The following IFI16 variants were observed in gnomAD, a reference collection of about 807,000 sequenced individuals.
IFI16 encodes interferon gamma inducible protein 16.
IFI16 carries 49 observed loss-of-function variants against 68.4 expected under a neutral mutation model. The ratio of observed to expected loss-of-function variants is 0.72; its 90% CI spans 0.57 to 0.91. IFI16 has a LOEUF of 0.91. IFI16 is among the 40% of genes least tolerant of loss of function. The probability of loss-of-function intolerance (pLI) is 0.00; values close to 1 mark genes in which losing one functional copy is unlikely to be tolerated. For missense variants in IFI16, 878 were observed against 942.9 expected (o/e 0.93, Z 0.90); for synonymous variants, 307 against 315.0 (o/e 0.97, Z 0.27).
chr1:159,051,209 G>T, intron 9 of IFI16, among the ~76,000 whole-genome samples: 1 of 151,938 alleles, frequency 6.6e-6, no homozygotes, highest in Middle Eastern at 3.2e-3. Context: ...GGCAAGAAGG[G>T]ATCAAGGGAG....
rs142942227 is a variant in IFI16, at chr1:159,014,264, C to T, written c.-20-397C>T. On this transcript the variant is annotated intron_variant, in intron 1 of 11. Transcript: ENST00000295809. ...GGCTGCAGCCCATTTACACCTAGGC[C>T]GCTCCAGTCATACTGGGTGTGGGAA... 4.9e-3 allele frequency among the ~76,000 whole-genome samples: 747 copies of T among 152,228 alleles called. 6 individuals are homozygous for T. Among genetic ancestry groups the T allele is most frequent in the African/African-American group, 0.017 (726 of 41,524 alleles).
chr1:159,045,892 A>T (rs1654952563), intron 8 of IFI16, among the ~76,000 whole-genome samples: 1 of 151,282 alleles, frequency 6.6e-6, no homozygotes, highest in Non-Finnish European at 1.5e-5. Flanking sequence ...TTAATTTTTA[A>T]CTATCAGAAA....
chr1:159,029,679 G>GTT lies in IFI16; in HGVS notation c.1162-2828_1162-2827dup, dbSNP rs61339753. Among the ~76,000 whole-genome samples the GTT allele has an allele frequency of 3.1e-3, 403 of 131,144 alleles. 2 individuals carry two copies. The highest frequency in any genetic ancestry group is 0.011 in the African/African-American group (385 of 36,408). The allele number at this position is 131,144 out of a possible 152,430, so 86.0% of individuals were successfully genotyped here. On this transcript the variant is annotated intron_variant, in intron 6 of 11. Coordinates refer to ENST00000295809, the MANE Select transcript of IFI16 (RefSeq NM_001376587.1). ...CCAAACTTCTTGGAGGCTTTGTTCA[G>GTT]TTTTTTTTTTTTTTTTTTGAGACAC...
rs1557864101 is a variant in IFI16, at chr1:159,016,652, A to G, written c.501A>G (p.Pro167=). 2 of 1,613,990 alleles carry G rather than the reference A, an allele frequency of 1.2e-6. No individual in the cohort carries two copies. Among genetic ancestry groups the G allele is most frequent in the Non-Finnish European group, 1.7e-6 (2 of 1,180,022 alleles). ...TGTCCACAGCCATGGGCCGTTCCCC[A>G]TCTCCCAAGACCTCATTGTCAGCTC... ...AGMSTAMGRS[P]SPKTSLSAPP... is the part of the protein sequence containing the mutation. Residue 167 remains proline, a synonymous_variant, in exon 4 of 12, where the codon CCA becomes CCG. Coordinates refer to ENST00000295809, the MANE Select transcript of IFI16 (RefSeq NM_001376587.1).
intron 6 of IFI16, among the ~76,000 whole-genome samples, chr1:159,027,004 G>C (rs931027962): frequency 2.2e-4 from 34 of 152,104 alleles, no homozygotes; most frequent in African/African-American, 8.0e-4. Context: ...CCTCTTTGCC[G>C]ATTTGGATTT....
At chr1:159,004,779 T>C (rs72704962), upstream of IFI16, among the ~76,000 whole-genome samples, 19,420 of 152,212 alleles carry the variant, frequency 0.13, 1,376 homozygotes, top group African/African-American at 0.16. Flanking sequence ...ATTTTAGAGA[T>C]AAATTATATC....
chr1:159,014,403 A>G (rs1652790075), intron 1 of IFI16, among the ~76,000 whole-genome samples: 1 of 149,208 alleles, frequency 6.7e-6, no homozygotes, highest in Admixed American at 6.7e-5. Flanking sequence ...CACTGAGGCA[A>G]TTGCTTGTTC....
At chr1:159,049,770 TTC>T (rs763345005) in intron 9 of IFI16, among the ~76,000 whole-genome samples, 171 bp downstream of exon 9, 1 of 152,236 alleles carries the variant, frequency 6.6e-6, no homozygotes, top group Non-Finnish European at 1.5e-5. Flanking sequence ...AAAATTAAAA[TTC>T]TGTTTTTATC....
At chr1:159,030,011 C>G (rs1018931298) in intron 6 of IFI16, among the ~76,000 whole-genome samples, 6 of 151,922 alleles carry the variant, frequency 3.9e-5, no homozygotes, top group African/African-American at 1.5e-4. Context: ...CATTTTTCTT[C>G]ATCTTTGTCA....
At chr1:159,036,849 A>T (rs1772406) in intron 7 of IFI16, among the ~76,000 whole-genome samples, 150,695 of 152,350 alleles carry the variant, frequency 0.99, 74,544 homozygotes, top group Middle Eastern at 1. Context: ...GTGACCACAC[A>T]GTTTTCTAAT....
upstream of IFI16, among the ~76,000 whole-genome samples, chr1:159,007,933 T>C (rs1172620996): frequency 6.6e-6 from 1 of 152,192 alleles, no homozygotes. Flanking sequence ...CCACAGTCTA[T>C]TGCATCATGA....
rs1052876138 is a variant in IFI16 at position 159,054,873 on chromosome 1, T to C, written c.2330T>C (p.Met777Thr). The C allele has an allele frequency of 1.9e-5, 30 of 1,603,040 alleles. No individual in the cohort carries two copies. Among genetic ancestry groups the C allele is most frequent in the Non-Finnish European group, 2.4e-5 (28 of 1,171,694 alleles). Reference sequence around the variant, plus strand: ...GACATACTCAATCCTGATTCAAGTATGGAAACTTCACCAGACTTTTTCTTC... The same window carrying C: ...GACATACTCAATCCTGATTCAAGTACGGAAACTTCACCAGACTTTTTCTTC... ...KKDILNPDSS[M>T]ETSPDFFF Residue 777 changes from methionine to threonine, a missense_variant, in exon 12 of 12, where the codon ATG becomes ACG. By Grantham distance (81) the Met-to-Thr change is moderately conservative. Transcript: ENST00000295809.
At position 159,019,773 on chromosome 1, in the gene IFI16, T is replaced by G. The variant is rs566652655; in HGVS notation, c.973-568T>G. On this transcript the variant is annotated intron_variant, in intron 5 of 11. Transcript: ENST00000295809. ...TGCGCATGGCCTATATACACACTCT[T>G]AAAGAGATGATTCTTACAAATCCAG... Among the ~76,000 whole-genome samples, 7 of 152,272 alleles carry G rather than the reference T, an allele frequency of 4.6e-5. 1 individual carries two copies. In the East Asian group the frequency reaches 1.4e-3, roughly 29 times the overall value.
At chr1:159,031,822 T>C (rs1299385973) in intron 6 of IFI16, among the ~76,000 whole-genome samples, 1 of 152,184 alleles carries the variant, frequency 6.6e-6, no homozygotes, top group Non-Finnish European at 1.5e-5. Flanking sequence ...TTCAAAAGGA[T>C]ATAAAACTCG....
rs542741874 is a variant in IFI16, at chr1:159,047,594, C to T, written c.1498-1838C>T. Among the ~76,000 whole-genome samples the T allele has an allele frequency of 6.0e-5, 9 of 151,200 alleles. No homozygotes were observed. The South Asian group carries it at 1.9e-3, about 32-fold the overall frequency. On this transcript the variant is annotated intron_variant, in intron 8 of 11. Coordinates refer to ENST00000295809, the MANE Select transcript of IFI16 (RefSeq NM_001376587.1). ...GAATCATTCTGCTGCTCTGAAAGCT[C>T]AGGATCCAAGGCAGACTCATCCACC... is the stretch of plus-strand genomic sequence containing the variant.
intron 5 of IFI16, among the ~76,000 whole-genome samples, chr1:159,018,948 T>A (rs752074609): frequency 2.6e-5 from 4 of 152,228 alleles, no homozygotes; most frequent in Non-Finnish European, 4.4e-5. Context: ...TCAAGGACAT[T>A]GTGAGGTCTA....
intron 6 of IFI16, among the ~76,000 whole-genome samples, chr1:159,030,744 A>C (rs1230295218): frequency 6.6e-6 from 1 of 151,944 alleles, no homozygotes; most frequent in Non-Finnish European, 1.5e-5. Context: ...GTTTATTGGG[A>C]TAATTTTGTG....
chr1:159,051,253 G>A (rs1277767087), intron 9 of IFI16, among the ~76,000 whole-genome samples: 1 of 152,024 alleles, frequency 6.6e-6, no homozygotes, highest in South Asian at 2.1e-4. Context: ...CAGGACAGCT[G>A]CCTCCACGGA....
At chr1:159,014,528 G>T in intron 1 of IFI16, 133 bp from the exon 2 acceptor site, 1 of 530,968 alleles carries the variant, frequency 1.9e-6, no homozygotes. Flanking sequence ...TAACACATTT[G>T]GTCGTTGAGT....
Sources: allele counts gnomAD v4.1 joint callset (sites outside exome capture counted in the v4.1 genomes callset), GRCh38; gene constraint gnomAD v4.1.1; transcripts MANE v1.5; gene names NCBI Gene and HGNC (gene_info 2026-07-23, HGNC 2026-07-21).